Variants in CDH13 observed in about 807,000 individuals in gnomAD.
CDH13 encodes the protein cadherin-13.
CDH13 carries 24 observed loss-of-function variants against 63.8 expected under a neutral mutation model. The observed-to-expected ratio is 0.38, with a 90% CI of 0.27 to 0.53. The LOEUF (loss-of-function observed/expected upper bound fraction) is 0.53. Among genes scored for constraint, CDH13 ranks in the 20% least tolerant of loss-of-function variants. CDH13 has a pLI of 0.85. For missense variants in CDH13, 1,049 were observed against 903.1 expected, an observed-to-expected ratio of 1.16 and a Z score of -2.07; for synonymous variants, 503 against 355.3, an observed-to-expected ratio of 1.42 and a Z score of -4.67.
At chr16:83,318,151 G>A (rs2090144798) in intron 5 of CDH13, among the ~76,000 whole-genome samples, 1 of 152,198 alleles carries the variant, frequency 6.6e-6, no homozygotes, top group South Asian at 2.1e-4. Flanking sequence ...AACATACTGA[G>A]CATTTAATAA....
intron 5 of CDH13, among the ~76,000 whole-genome samples, chr16:83,315,038 A>G (rs1282614321): frequency 6.6e-6 from 1 of 152,196 alleles, no homozygotes; most frequent in East Asian, 1.9e-4. Flanking sequence ...CTTATATTCA[A>G]CTACAAAAGG....
chr16:83,315,240 G>T (rs552907533), intron 5 of CDH13, among the ~76,000 whole-genome samples: 4 of 152,354 alleles, frequency 2.6e-5, no homozygotes, highest in African/African-American at 9.6e-5. Context: ...ATCCGAGGAA[G>T]GGCCTTAGGC....
At chr16:83,121,740 A>G (rs1448607272) in intron 3 of CDH13, among the ~76,000 whole-genome samples, 1 of 152,194 alleles carries the variant, frequency 6.6e-6, no homozygotes, top group Non-Finnish European at 1.5e-5. Context: ...TTTTGAATGT[A>G]ACGTTTGGAT....
At chr16:82,806,411 T>C (rs941624064) in intron 1 of CDH13, among the ~76,000 whole-genome samples, 2 of 152,202 alleles carry the variant, frequency 1.3e-5, no homozygotes, top group African/African-American at 4.8e-5. Context: ...GATTTAGAAT[T>C]TGAAATACAA....
chr16:83,031,411 T>TATATGGTATATACATGTACATGTATATGC (rs1916335092), intron 2 of CDH13, among the ~76,000 whole-genome samples: 1 of 134,064 alleles, frequency 7.5e-6, no homozygotes, highest in African/African-American at 2.9e-5. Flanking sequence ...CATGTATATG[T>TATATGGTATATACATGTACATGTATATGC]ATACACGTAT....
At chr16:82,693,293 G>T (rs1188590150) in intron 1 of CDH13, among the ~76,000 whole-genome samples, 1 of 152,174 alleles carries the variant, frequency 6.6e-6, no homozygotes, top group African/African-American at 2.4e-5. Context: ...TTTATTTTAA[G>T]CTTCTTAGTT....
At chr16:83,274,803 C>T (rs1258499005) in intron 5 of CDH13, among the ~76,000 whole-genome samples, 3 of 152,144 alleles carry the variant, frequency 2.0e-5, no homozygotes, top group African/African-American at 7.2e-5. Flanking sequence ...TGGGTGTGAA[C>T]TATAATTTGT....
chr16:82,962,559 C>T (rs1567698406), intron 2 of CDH13, among the ~76,000 whole-genome samples: 1 of 152,102 alleles, frequency 6.6e-6, no homozygotes, highest in African/African-American at 2.4e-5. Context: ...AGGATGCATG[C>T]AACTCATAAG....
At chr16:83,408,902 C>T (rs953618906) in intron 6 of CDH13, among the ~76,000 whole-genome samples, 2 of 152,130 alleles carry the variant, frequency 1.3e-5, no homozygotes, top group South Asian at 4.1e-4. Context: ...AGAGACTAAG[C>T]CCAAGGCTGG....
intron 2 of CDH13, among the ~76,000 whole-genome samples, chr16:82,906,400 G>A (rs1304556791): frequency 6.6e-6 from 1 of 152,140 alleles, no homozygotes; most frequent in African/African-American, 2.4e-5. Flanking sequence ...CCGGCAATTT[G>A]TGCAGGAAAC....
At chr16:82,766,995 C>G (rs1433897261) in intron 1 of CDH13, among the ~76,000 whole-genome samples, 2 of 152,174 alleles carry the variant, frequency 1.3e-5, no homozygotes, top group Non-Finnish European at 2.9e-5. Context: ...TACCACCTAT[C>G]TTTCCTTCTG....
chr16:82,870,972 A>G (rs1009704151), intron 2 of CDH13, among the ~76,000 whole-genome samples: 1 of 152,184 alleles, frequency 6.6e-6, no homozygotes, highest in Non-Finnish European at 1.5e-5. Flanking sequence ...CCTGTCCCAC[A>G]TGGGCATCTA....
chr16:83,572,153 A>G (rs1904685676), intron 7 of CDH13, among the ~76,000 whole-genome samples: 1 of 147,518 alleles, frequency 6.8e-6, no homozygotes, highest in Non-Finnish European at 1.5e-5. Flanking sequence ...ATAACTAGGT[A>G]TTTTTTATTC....
At chr16:83,305,974 A>G (rs556439978) in intron 5 of CDH13, among the ~76,000 whole-genome samples, 2 of 152,296 alleles carry the variant, frequency 1.3e-5, no homozygotes, top group African/African-American at 2.4e-5. Flanking sequence ...GGGTTTCTCA[A>G]TCTCATTCTT....
intron 6 of CDH13, among the ~76,000 whole-genome samples, chr16:83,393,541 C>T (rs1415407895): frequency 1.3e-5 from 2 of 152,198 alleles, no homozygotes; most frequent in East Asian, 1.9e-4. Flanking sequence ...AGGGCAGCTG[C>T]TAAGCCACCA....
chr16:83,502,724 C>G (rs563722879), intron 7 of CDH13, among the ~76,000 whole-genome samples: 1 of 152,326 alleles, frequency 6.6e-6, no homozygotes, highest in East Asian at 1.9e-4. Flanking sequence ...AATACATTAG[C>G]TTCATGGCCG....
intron 7 of CDH13, among the ~76,000 whole-genome samples, chr16:83,533,292 T>G (rs2075119749): frequency 6.6e-6 from 1 of 152,170 alleles, no homozygotes; most frequent in African/African-American, 2.4e-5. Context: ...AAATCTCAAC[T>G]CAGCGTGACT....
At chr16:82,770,960 C>A (rs1024532789) in intron 1 of CDH13, among the ~76,000 whole-genome samples, 10 of 152,140 alleles carry the variant, frequency 6.6e-5, no homozygotes, top group African/African-American at 2.2e-4. Flanking sequence ...GGCAATCCCC[C>A]CGCTTCGGCC....
rs376556195 is a variant in CDH13, at chr16:83,327,836, A to C, written c.637-17026A>C. On this transcript the variant is annotated intron_variant, in intron 5 of 13. Transcript: ENST00000567109. The stretch of plus-strand genomic sequence containing the variant: ...AGCAAATGCAAAGACCCCAAAATAA[A>C]AATTAACACCTGGTGGCTGGGCGCA... Among the ~76,000 whole-genome samples, 7 of 152,202 alleles carry C rather than the reference A, an allele frequency of 4.6e-5. No individual in the cohort carries two copies. The South Asian group carries it at 1.5e-3, about 32-fold the overall frequency.
Sources: allele counts gnomAD v4.1 joint callset (sites outside exome capture counted in the v4.1 genomes callset), GRCh38; gene constraint gnomAD v4.1.1; transcripts MANE v1.5; gene names NCBI Gene and HGNC (gene_info 2026-07-23, HGNC 2026-07-21).